Variants in ADGRF5 observed in about 807,000 individuals in gnomAD.
The protein encoded by ADGRF5 is G-protein coupled receptor 116.
A neutral mutation model predicts 132.3 loss-of-function variants in ADGRF5; 75 were observed. The ratio of observed to expected loss-of-function variants is 0.57; its 90% CI spans 0.47 to 0.69. The LOEUF (loss-of-function observed/expected upper bound fraction) is 0.69. Among genes scored for constraint, ADGRF5 ranks in the 30% least tolerant of loss-of-function variants. The pLI is 0.00. For missense variants in ADGRF5, 1,516 were observed against 1,630.6 expected (o/e 0.93, Z 1.21); for synonymous variants, 629 against 597.6 (o/e 1.05, Z -0.77).
In ADGRF5 at chr6:46,867,276, G is replaced by GA. The variant is rs982722457; in HGVS notation, c.1622-140dup. The GA allele has an allele frequency of 2.0e-5, 12 of 596,566 alleles. No individual in the cohort carries two copies. In the African/African-American group the frequency reaches 2.0e-4, roughly 10 times the overall value. 37.0% of individuals were successfully genotyped at this position (596,566 alleles called of 1,614,324 possible). ...TACCACAACTTCCTGGACACTGGAG[G>GA]AAAAAATGCTTGATTGATTCCTCTT... On this transcript the variant is annotated intron_variant, in intron 12 of 20. Transcript: ENST00000283296.
chr6:46,921,272 C>A (rs560307836), intron 1 of ADGRF5, among the ~76,000 whole-genome samples: 1 of 152,376 alleles, frequency 6.6e-6, no homozygotes, highest in South Asian at 2.1e-4. Context: ...GCTCCCTCCT[C>A]CTGCTACTGG....
At chr6:46,916,157 T>C (rs1349972989) in intron 1 of ADGRF5, among the ~76,000 whole-genome samples, 2 of 152,258 alleles carry the variant, frequency 1.3e-5, no homozygotes, top group African/African-American at 4.8e-5. Context: ...TTCCCAGAAC[T>C]GTATTTCCAG....
intron 2 of ADGRF5, chr6:46,903,698 C>A (rs1775010852): frequency 6.6e-6 from 1 of 152,202 alleles, no homozygotes; most frequent in South Asian, 2.1e-4. Flanking sequence ...TGTTCGAAAA[C>A]TGTCTGAGCA....
chr6:46,931,094 C>A (rs1777537687), intron 1 of ADGRF5, among the ~76,000 whole-genome samples: 1 of 152,110 alleles, frequency 6.6e-6, no homozygotes, highest in Non-Finnish European at 1.5e-5. Flanking sequence ...ATAAAAACTT[C>A]TAATCTTCTT....
chr6:46,935,898 T>C (rs187042731), intron 1 of ADGRF5, among the ~76,000 whole-genome samples: 16 of 152,272 alleles, frequency 1.1e-4, no homozygotes, highest in African/African-American at 3.8e-4. Flanking sequence ...GGAAGCCTTG[T>C]AGGGGGACGG....
At chr6:46,885,364 A>G (rs1270188797) in intron 4 of ADGRF5, among the ~76,000 whole-genome samples, 1 of 152,134 alleles carries the variant, frequency 6.6e-6, no homozygotes, top group African/African-American at 2.4e-5. Context: ...CTGCTCTAAG[A>G]TTTCTGACCC....
intron 6 of ADGRF5, 118 bp from the exon 7 acceptor site, chr6:46,882,225 G>A (rs1772556046): frequency 2.6e-6 from 2 of 773,438 alleles, no homozygotes; most frequent in Non-Finnish European, 4.6e-6. Flanking sequence ...ATTATCTTCT[G>A]TCTATTTTGT....
rs150462418 is a variant in ADGRF5 at position 46,919,132 on chromosome 6, A to G, written c.-25+2581T>C. ...CAAAGCAATAGTTTAGTCTAACTTT[A>G]GATTCCCAGCAAACATCTACCATGT... On this transcript the variant is annotated intron_variant, in intron 1 of 20. Coordinates refer to ENST00000283296, the MANE Select transcript of ADGRF5 (RefSeq NM_001098518.2). 2.5e-3 allele frequency among the ~76,000 whole-genome samples: 384 copies of G among 152,366 alleles called. 4 individuals are homozygous for G. The highest frequency in any genetic ancestry group is 9.0e-3 in the African/African-American group (375 of 41,596).
At chr6:46,855,883 T>C (rs1418379699) in intron 20 of ADGRF5, 91 bp downstream of exon 20, 6 of 745,310 alleles carry the variant, frequency 8.1e-6, no homozygotes, top group South Asian at 1.5e-5. Flanking sequence ...GTAAATGCCA[T>C]GAGCGGGGTG....
chr6:46,912,246 C>T (rs1776017318), intron 1 of ADGRF5, among the ~76,000 whole-genome samples: 1 of 152,082 alleles, frequency 6.6e-6, no homozygotes, highest in South Asian at 2.1e-4. Context: ...AAGGACCTGA[C>T]CTAGTCTTAG....
chr6:46,864,979 T>A, intron 14 of ADGRF5, 63 bp downstream of exon 14: 1 of 1,085,476 alleles, frequency 9.2e-7, no homozygotes, highest in Non-Finnish European at 1.4e-6. Flanking sequence ...AATGAGGGAG[T>A]GAATAAATAA....
chr6:46,877,942 T>A (rs2150829209), intron 10 of ADGRF5, among the ~76,000 whole-genome samples: 1 of 152,308 alleles, frequency 6.6e-6, no homozygotes, highest in Admixed American at 6.5e-5. Context: ...ACCTAAGTCA[T>A]CGGGATCCTA....
In ADGRF5 at chr6:46,860,049, C is replaced by T. The variant is rs554528278; in HGVS notation, c.2380-526G>A. 2.4e-4 allele frequency among the ~76,000 whole-genome samples: 37 copies of T among 152,156 alleles called. No homozygotes were observed. In the East Asian group the frequency reaches 4.3e-3, roughly 18 times the overall value. On this transcript the variant is annotated intron_variant, in intron 16 of 20. Coordinates refer to ENST00000283296, the MANE Select transcript of ADGRF5 (RefSeq NM_001098518.2). ...CTTTCCTGCTGTCCACTGCTCTCCC[C>T]GCTGCAGTCCCCTTTCTCCTGAGCA...
chr6:46,858,814 C>T lies in ADGRF5; in HGVS notation c.3089G>A (p.Cys1030Tyr). Residue 1030 changes from cysteine to tyrosine, a missense_variant, in exon 17 of 21, where the codon TGT becomes TAT. Physicochemically the swap from Cys to Tyr is radical, Grantham distance 194 (BLOSUM62 -2). Coordinates refer to ENST00000283296, the MANE Select transcript of ADGRF5 (RefSeq NM_001098518.2). ...VGFSILSLAA[C>Y]LVVEAVVWKS... ...CCACACCACAGCTTCCACAACTAGA[C>T]AGGCTGCCAAGCTCAAGATGGAAAA... 2 of 1,614,122 alleles carry T rather than the reference C, an allele frequency of 1.2e-6. No homozygotes were observed. Among genetic ancestry groups the T allele is most frequent in the Non-Finnish European group, 1.7e-6 (2 of 1,179,982 alleles).
In ADGRF5 at chr6:46,863,084, G is replaced by A. The variant is rs1272778753; in HGVS notation, c.2003C>T (p.Thr668Ile). The A allele has an allele frequency of 9.3e-6, 15 of 1,613,080 alleles. No homozygotes were observed. The highest frequency in any genetic ancestry group is 1.2e-5 in the Non-Finnish European group (14 of 1,179,048). Residue 668 changes from threonine (T) to isoleucine (I), a missense_variant, in exon 15 of 21, where the codon ACA (threonine) becomes ATA (isoleucine). Physicochemically the swap from Thr to Ile is moderately conservative, Grantham distance 89. Coordinates refer to ENST00000283296, the MANE Select transcript of ADGRF5 (RefSeq NM_001098518.2). ...KLNLVPGENI[T>I]CQDPVIGVGE... ...GACACCTATTACGGGATCCTGGCATGTGATGTTTTCCCCTGTGTTGGAAAC... is the reference window on the plus strand; with the variant it reads ...GACACCTATTACGGGATCCTGGCATATGATGTTTTCCCCTGTGTTGGAAAC...
chr6:46,888,114 C>T, intron 4 of ADGRF5: 1 of 469,712 alleles, frequency 2.1e-6, no homozygotes, highest in Non-Finnish European at 3.8e-6. Context: ...AACCACCAAG[C>T]AAACCTTTGG....
chr6:46,939,231 T>G (rs1443766406), intron 1 of ADGRF5, among the ~76,000 whole-genome samples: 2 of 152,202 alleles, frequency 1.3e-5, no homozygotes, highest in Non-Finnish European at 1.5e-5. Context: ...TAACTAGTGG[T>G]TCTCTTCTAC....
chr6:46,928,430 A>C (rs1777365126), intron 1 of ADGRF5, among the ~76,000 whole-genome samples: 1 of 152,084 alleles, frequency 6.6e-6, no homozygotes, highest in Admixed American at 6.5e-5. Flanking sequence ...AAAAATAACC[A>C]AGTTGTGACT....
At chr6:46,875,138 C>T (rs2281441) in intron 10 of ADGRF5, among the ~76,000 whole-genome samples, 1 of 152,128 alleles carries the variant, frequency 6.6e-6, no homozygotes, top group East Asian at 1.9e-4. Flanking sequence ...GTTCAGAGAA[C>T]AATAACTACT....
Sources: allele counts gnomAD v4.1 joint callset (sites outside exome capture counted in the v4.1 genomes callset), GRCh38; gene constraint gnomAD v4.1.1; transcripts MANE v1.5; gene names NCBI Gene and HGNC (gene_info 2026-07-23, HGNC 2026-07-21).